The following TMC1 variants were observed in gnomAD, a reference collection of about 807,000 sequenced individuals.
TMC1 encodes the protein transmembrane channel like 1.
A neutral mutation model predicts 105.8 loss-of-function variants in TMC1; 84 were observed. The ratio of observed to expected loss-of-function variants is 0.79; its 90% CI spans 0.67 to 0.95. TMC1 has a LOEUF of 0.95. Ranked by LOEUF, TMC1 falls within the 40% of genes least tolerant of loss-of-function variation. The probability of loss-of-function intolerance (pLI) is 0.00; values close to 1 mark genes in which losing one functional copy is unlikely to be tolerated. For missense variants in TMC1, 817 were observed against 914.1 expected, an observed-to-expected ratio of 0.89 and a Z score of 1.37; for synonymous variants, 315 against 311.5, an observed-to-expected ratio of 1.01 and a Z score of -0.12.
chr9:72,755,096 GAA>G (rs1491225285), intron 12 of TMC1, among the ~76,000 whole-genome samples: 59 of 112,668 alleles, frequency 5.2e-4, no homozygotes, highest in East Asian at 2.1e-3. Context: ...GAGAGAGAGA[GAA>G]AGAAAGAAAG....
At chr9:72,795,432 G>T (rs1828347989) in intron 17 of TMC1, among the ~76,000 whole-genome samples, 1 of 152,078 alleles carries the variant, frequency 6.6e-6, no homozygotes, top group Non-Finnish European at 1.5e-5. Context: ...ACACCATTAG[G>T]CTAACAGCAG....
chr9:72,600,188 A>G (rs769047745), intron 2 of TMC1, among the ~76,000 whole-genome samples: 24 of 152,252 alleles, frequency 1.6e-4, no homozygotes, highest in Admixed American at 3.3e-4. Context: ...GTGGAGGATG[A>G]AGTAACAAAA....
chr9:72,567,546 G>A (rs962869307), intron 1 of TMC1, among the ~76,000 whole-genome samples: 1 of 152,160 alleles, frequency 6.6e-6, no homozygotes, highest in African/African-American at 2.4e-5. Context: ...CTCTTCACGG[G>A]GTGGCGGGAG....
intron 5 of TMC1, among the ~76,000 whole-genome samples, chr9:72,653,110 A>T (rs952216925): frequency 6.6e-6 from 1 of 152,232 alleles, no homozygotes; most frequent in African/African-American, 2.4e-5. Flanking sequence ...TTATTAATTC[A>T]TTCATTCATC....
chr9:72,556,289 G>A (rs989945456), intron 1 of TMC1, among the ~76,000 whole-genome samples: 2 of 151,362 alleles, frequency 1.3e-5, no homozygotes, highest in African/African-American at 4.8e-5. Flanking sequence ...GATAATTTTT[G>A]TATTTTTAGT....
rs775973530 is a variant in TMC1, at chr9:72,619,469, G to A, written c.-196+2992G>A. On this transcript the variant is annotated intron_variant, in intron 3 of 23. Transcript: ENST00000297784. ...CAGTATATTCCAGTTTATTTTAAAT[G>A]ATCTAGGTATAAATATCCATAAAAA... 5.1e-4 allele frequency among the ~76,000 whole-genome samples: 77 copies of A among 151,826 alleles called. 1 individual carries two copies. The highest frequency in any genetic ancestry group is 2.3e-3 in the Admixed American group (35 of 15,250).
At chr9:72,736,557 C>G (rs1291598599) in intron 8 of TMC1, among the ~76,000 whole-genome samples, 1 of 152,146 alleles carries the variant, frequency 6.6e-6, no homozygotes, top group Non-Finnish European at 1.5e-5. Flanking sequence ...TTTAAATTAT[C>G]TGTTAAATAA....
intron 8 of TMC1, among the ~76,000 whole-genome samples, chr9:72,701,383 A>T (rs549855608): frequency 6.6e-6 from 1 of 152,258 alleles, no homozygotes; most frequent in East Asian, 1.9e-4. Flanking sequence ...GGATGGGAAG[A>T]TTCACCCCTG....
chr9:72,574,767 G>A (rs1286040018), intron 1 of TMC1, among the ~76,000 whole-genome samples: 2 of 152,194 alleles, frequency 1.3e-5, no homozygotes, highest in African/African-American at 2.4e-5. Context: ...CTAGAAGTCA[G>A]CTTCTCTGAG....
At chr9:72,670,621 CAA>C (rs1407350463) in intron 5 of TMC1, among the ~76,000 whole-genome samples, 1 of 151,954 alleles carries the variant, frequency 6.6e-6, no homozygotes. Flanking sequence ...AATTAGTAAA[CAA>C]AGAGCTAATT....
At chr9:72,816,101 C>A in intron 18 of TMC1, 42 bp from the exon 19 acceptor site, 1 of 1,590,192 alleles carries the variant, frequency 6.3e-7, no homozygotes, top group Non-Finnish European at 8.6e-7. Context: ...TCAGTTTTGA[C>A]CATGTGAGAC....
chr9:72,787,075 G>A (rs2118173383), intron 13 of TMC1, among the ~76,000 whole-genome samples: 1 of 150,336 alleles, frequency 6.7e-6, no homozygotes, highest in South Asian at 2.1e-4. Context: ...GTCCTAGCTT[G>A]AGCACTGGAG....
intron 5 of TMC1, among the ~76,000 whole-genome samples, chr9:72,686,371 G>A (rs1408010130): frequency 6.6e-6 from 1 of 152,218 alleles, no homozygotes; most frequent in Non-Finnish European, 1.5e-5. Flanking sequence ...TCTGAGAAAG[G>A]AAAGGGTTTG....
chr9:72,693,437 T>G (rs927530114), intron 6 of TMC1, among the ~76,000 whole-genome samples: 1 of 152,216 alleles, frequency 6.6e-6, no homozygotes, highest in Admixed American at 6.5e-5. Flanking sequence ...GGCTTGTCTC[T>G]CCTTTGGAAA....
chr9:72,584,751 G>T (rs527448543), intron 2 of TMC1, among the ~76,000 whole-genome samples: 1 of 147,258 alleles, frequency 6.8e-6, no homozygotes. Context: ...GCCTTACAAC[G>T]TAAAAATGTA....
At chr9:72,769,607 A>G (rs1588074641) in intron 12 of TMC1, among the ~76,000 whole-genome samples, 2 of 152,344 alleles carry the variant, frequency 1.3e-5, no homozygotes, top group South Asian at 2.1e-4. Flanking sequence ...ATGGGTCTTC[A>G]CTTGGAAGGG....
chr9:72,650,881 T>A (rs796206644), intron 5 of TMC1, among the ~76,000 whole-genome samples: 3 of 97,052 alleles, frequency 3.1e-5, no homozygotes, highest in South Asian at 7.7e-4. Context: ...TTTATATATA[T>A]AGATATATAG....
intron 2 of TMC1, among the ~76,000 whole-genome samples, chr9:72,607,002 T>TATATATATAGAGAGAGAGAG (rs372785242): frequency 4.4e-4 from 59 of 134,956 alleles, no homozygotes; most frequent in East Asian, 1.3e-3. Flanking sequence ...TATATATATA[T>TATATATATAGAGAGAGAGAG]AGAGAGAGAG....
At chr9:72,814,959 C>A (rs1453578522) in intron 18 of TMC1, among the ~76,000 whole-genome samples, 1 of 126,022 alleles carries the variant, frequency 7.9e-6, no homozygotes, top group Non-Finnish European at 1.7e-5. Context: ...GGGGAGGGAG[C>A]TGTTATGGGG....
Sources: allele counts gnomAD v4.1 joint callset (sites outside exome capture counted in the v4.1 genomes callset), GRCh38; gene constraint gnomAD v4.1.1; transcripts MANE v1.5; gene names NCBI Gene and HGNC (gene_info 2026-07-23, HGNC 2026-07-21).